Variants in IL16 observed in about 807,000 individuals in gnomAD.
The protein encoded by IL16 is interleukin 16.
In IL16, 67 loss-of-function variants were observed where a neutral mutation model predicts 110.1. The observed-to-expected ratio is 0.61, with a 90% CI of 0.50 to 0.75. The LOEUF (loss-of-function observed/expected upper bound fraction) is 0.75, where lower values mean the gene tolerates loss of function less well. IL16 is among the 30% of genes least tolerant of loss of function. The pLI is 0.00. For missense variants in IL16, 1,545 were observed against 1,655.0 expected, an observed-to-expected ratio of 0.93 and a Z score of 1.15; for synonymous variants, 689 against 662.9, an observed-to-expected ratio of 1.04 and a Z score of -0.61.
chr15:81,196,468 T>C (rs884819), upstream of IL16, among the ~76,000 whole-genome samples: 58,154 of 152,004 alleles, frequency 0.38, 13,751 homozygotes, highest in East Asian at 0.7. Flanking sequence ...TTGTCTTGAA[T>C]CCCCCGGCTC....
upstream of IL16, chr15:81,196,822 G>A (rs1895610831): frequency 1.8e-6 from 2 of 1,114,050 alleles, no homozygotes; most frequent in African/African-American, 3.4e-5. Context: ...CTTTTCACGT[G>A]GAGCAGTCAG....
intron 2 of IL16, among the ~76,000 whole-genome samples, chr15:81,235,701 C>A (rs879693632): frequency 6.6e-6 from 1 of 152,110 alleles, no homozygotes; most frequent in Non-Finnish European, 1.5e-5. Flanking sequence ...TTTTACGACA[C>A]GGTGGAGCAC....
chr15:81,188,953 AG>A (rs2141916337), intron 1 of IL16, among the ~76,000 whole-genome samples: 1 of 152,190 alleles, frequency 6.6e-6, no homozygotes, highest in South Asian at 2.1e-4. Context: ...GGAGGACAGA[AG>A]GGCAGCTCCT....
upstream of IL16, among the ~76,000 whole-genome samples, chr15:81,195,027 T>G (rs1298052440): frequency 6.6e-6 from 1 of 152,130 alleles, no homozygotes; most frequent in Non-Finnish European, 1.5e-5. Flanking sequence ...AGACTCTTTC[T>G]GCAGGATGTC....
chr15:81,265,090 T>A (rs551125293), intron 3 of IL16, among the ~76,000 whole-genome samples: 5 of 152,282 alleles, frequency 3.3e-5, no homozygotes, highest in African/African-American at 9.6e-5. Context: ...TGAAAGGAAG[T>A]CTGTGGTTTC....
chr15:81,193,171 C>T (rs1895524963), upstream of IL16, among the ~76,000 whole-genome samples: 1 of 152,114 alleles, frequency 6.6e-6, no homozygotes, highest in Admixed American at 6.5e-5. Flanking sequence ...CTATGTTCTT[C>T]CCACCTTGAT....
chr15:81,231,370 CTCTCTCT>C lies in IL16; in HGVS notation c.312+5660_312+5666del, dbSNP rs1567008760. Among the ~76,000 whole-genome samples the C allele has an allele frequency of 1.6e-3, 236 of 145,824 alleles. 3 individuals are homozygous for C. The highest frequency in any genetic ancestry group is 5.8e-3 in the African/African-American group (221 of 37,986). ...TCTCTCTCTCTCTCTCTCTCTCTCT[CTCTCTCT>C]CTCTCCCTCTCTTAAGACAGGGTCT... On this transcript the variant is annotated intron_variant, in intron 2 of 18. Coordinates refer to ENST00000683961, the MANE Select transcript of IL16 (RefSeq NM_172217.5).
At chr15:81,211,078 TAGAC>T (rs1282582644) in intron 1 of IL16, among the ~76,000 whole-genome samples, 1 of 152,088 alleles carries the variant, frequency 6.6e-6, no homozygotes, top group Non-Finnish European at 1.5e-5. Flanking sequence ...TTTGTTTTCA[TAGAC>T]AGAGTCTCAC....
At chr15:81,295,928 C>G (rs1041205326) in intron 12 of IL16, among the ~76,000 whole-genome samples, 8 of 152,312 alleles carry the variant, frequency 5.3e-5, no homozygotes, top group African/African-American at 1.2e-4. Context: ...AATGGCCCAT[C>G]ATTACACAAA....
At chr15:81,275,617 G>C (rs2142270479) in intron 6 of IL16, among the ~76,000 whole-genome samples, 1 of 152,158 alleles carries the variant, frequency 6.6e-6, no homozygotes, top group African/African-American at 2.4e-5. Flanking sequence ...CTGAATGTAA[G>C]CCTGCCCAAG....
At position 81,269,609 on chromosome 15, in the gene IL16, A is replaced by C; in HGVS notation, c.636A>C (p.Ser212=). ...LVQPSGGLQA[S]VISNIVLMKG... ...AGCCATCTGGGGGCCTCCAGGCTTC[A>C]GTCATCTCCAACATCGTGCTGATGA... The change falls in exon 5 of 19, where the codon TCA becomes TCC. Residue 212 remains serine (S), a synonymous_variant. Coordinates refer to ENST00000683961, the MANE Select transcript of IL16 (RefSeq NM_172217.5). 1.2e-6 allele frequency: 2 copies of C among 1,614,024 alleles called. No individual in the cohort carries two copies. The highest frequency in any genetic ancestry group is 1.7e-6 in the Non-Finnish European group (2 of 1,179,916).
At chr15:81,301,268 C>A in intron 14 of IL16, 76 bp from the exon 15 acceptor site, 1 of 1,320,968 alleles carries the variant, frequency 7.6e-7, no homozygotes, top group Non-Finnish European at 1.0e-6. Context: ...ACACCTGGGA[C>A]ATAGTAATTA....
chr15:81,203,268 A>G (rs1390110759), intron 1 of IL16, among the ~76,000 whole-genome samples: 102 of 151,638 alleles, frequency 6.7e-4, no homozygotes, highest in African/African-American at 1.7e-3. Flanking sequence ...CCATTCTGTC[A>G]GTTGCCTGTT....
chr15:81,306,142 G>C lies in IL16; in HGVS notation c.3655G>C (p.Ala1219Pro). 1 of 1,614,072 alleles carries C rather than the reference G, an allele frequency of 6.2e-7. No homozygotes were observed. The highest frequency in any genetic ancestry group is 8.5e-7 in the Non-Finnish European group (1 of 1,180,016). The change falls in exon 17 of 19, where the codon GCC (alanine) becomes CCC (proline). Residue 1219 changes from alanine (A) to proline (P), a missense_variant. Physicochemically the swap from Ala to Pro is conservative, Grantham distance 27 (BLOSUM62 -1). This residue lies in a region of IL16 where 356 missense variants were observed against 399.3 expected (regional missense o/e 0.89). Transcript: ENST00000683961. ...STDSAASASA[A>P]SDVSVESTAE... ...TGACTCTGCAGCCTCAGCCTCTGCA[G>C]CCAGTGATGTTTCTGTAGAATCTAG...
intron 1 of IL16, among the ~76,000 whole-genome samples, chr15:81,190,182 A>C (rs1325216986): frequency 1.3e-5 from 2 of 152,224 alleles, no homozygotes; most frequent in African/African-American, 4.8e-5. Flanking sequence ...TGCTGAGTGG[A>C]AACATTCTCC....
chr15:81,231,320 G>GTCTCTCTCTC (rs1304721258), intron 2 of IL16, among the ~76,000 whole-genome samples: 6 of 50,982 alleles, frequency 1.2e-4, no homozygotes, highest in Non-Finnish European at 2.4e-4. Flanking sequence ...CCCAAGGTCG[G>GTCTCTCTCTC]TCTGTCTCTC....
chr15:81,206,113 G>T (rs186682758), intron 1 of IL16, among the ~76,000 whole-genome samples: 1 of 152,310 alleles, frequency 6.6e-6, no homozygotes, highest in East Asian at 1.9e-4. Context: ...TAAAGAGCTT[G>T]AATTCTATGA....
At position 81,308,819 on chromosome 15, in the gene IL16, A is replaced by C; in HGVS notation, c.*21A>C. On this transcript the variant is annotated 3_prime_UTR_variant, in exon 19 of 19. Coordinates refer to ENST00000683961, the MANE Select transcript of IL16 (RefSeq NM_172217.5). ...CCTAGGCAGGACATGCTGAAGCCAAAGCCAATAACACACAGCTAACACACA... is the reference window on the plus strand; with the variant it reads ...CCTAGGCAGGACATGCTGAAGCCAACGCCAATAACACACAGCTAACACACA... The C allele has an allele frequency of 6.3e-7, 1 of 1,595,336 alleles. No homozygotes were observed. Among genetic ancestry groups the C allele is most frequent in the Non-Finnish European group, 8.6e-7 (1 of 1,169,518 alleles).
chr15:81,229,221 C>T (rs765607325), intron 2 of IL16, among the ~76,000 whole-genome samples: 5 of 152,088 alleles, frequency 3.3e-5, no homozygotes, highest in Non-Finnish European at 7.4e-5. Context: ...TCTGATGTGG[C>T]CAAAGTGCAG....
Sources: allele counts gnomAD v4.1 joint callset (sites outside exome capture counted in the v4.1 genomes callset), GRCh38; gene constraint gnomAD v4.1.1; regional missense constraint gnomAD v4.1.1; transcripts MANE v1.5; gene names NCBI Gene and HGNC (gene_info 2026-07-23, HGNC 2026-07-21).